Variants in LNX2 observed in about 807,000 individuals in gnomAD.
The protein encoded by LNX2 is ligand of Numb protein X 2.
LNX2 carries 35 observed loss-of-function variants against 66.2 expected under a neutral mutation model. That is an observed-to-expected ratio of 0.53 (90% CI 0.40 to 0.70). The LOEUF is 0.70. LNX2 is among the 30% of genes least tolerant of loss of function. The pLI is 0.00. For synonymous variants in LNX2, 337 were observed against 315.6 expected (o/e 1.07, Z -0.72); for missense variants, 791 against 850.8 (o/e 0.93, Z 0.87).
chr13:27,591,677 A>G (rs960878896), intron 1 of LNX2, among the ~76,000 whole-genome samples: 5 of 152,312 alleles, frequency 3.3e-5, no homozygotes, highest in Admixed American at 6.5e-5. Context: ...TTAGGAGTTG[A>G]GCACTGAACA....
chr13:27,610,212 TC>T (rs1955758569), intron 1 of LNX2, among the ~76,000 whole-genome samples: 1 of 152,216 alleles, frequency 6.6e-6, no homozygotes. Context: ...ACCTGGCCTC[TC>T]CCTACCAATT....
intron 1 of LNX2, among the ~76,000 whole-genome samples, chr13:27,583,217 T>TGCGCGC (rs1566124720): frequency 4.8e-5 from 1 of 21,020 alleles, no homozygotes; most frequent in Non-Finnish European, 8.5e-5. Flanking sequence ...TGTGTGTGTG[T>TGCGCGC]GTGTGTGTGT....
chr13:27,583,297 G>T (rs1732448438), intron 1 of LNX2, among the ~76,000 whole-genome samples: 1 of 124,118 alleles, frequency 8.1e-6, no homozygotes, highest in Admixed American at 8.3e-5. Flanking sequence ...AGTTCGATCT[G>T]TTGCCCGGCT....
chr13:27,581,263 A>G, intron 2 of LNX2, 34 bp downstream of exon 2: 1 of 1,445,922 alleles, frequency 6.9e-7, no homozygotes, highest in Non-Finnish European at 9.1e-7. Context: ...TTTTTCCAAA[A>G]TCTGGAGTTA....
chr13:27,545,981 C>A lies in LNX2; in HGVS notation c.*2354G>T, dbSNP rs935070503. 1.3e-5 allele frequency: 2 copies of A among 152,116 alleles called. No homozygotes were observed. Among genetic ancestry groups the A allele is most frequent in the Non-Finnish European group, 2.9e-5 (2 of 68,020 alleles). 9.4% of individuals were successfully genotyped at this position (152,116 alleles called of 1,614,324 possible). On this transcript the variant is annotated 3_prime_UTR_variant, in exon 10 of 10. Transcript: ENST00000316334. ...CCATTATTTAAACATCTGAAAAATCCTGAAATAATTTAAACTGAAGGCACA... is the reference window on the plus strand; with the variant it reads ...CCATTATTTAAACATCTGAAAAATCATGAAATAATTTAAACTGAAGGCACA...
chr13:27,553,104 A>G (rs1955023271), intron 8 of LNX2, 104 bp downstream of exon 8: 1 of 943,840 alleles, frequency 1.1e-6, no homozygotes, highest in East Asian at 2.5e-5. Context: ...ACTGAATTAA[A>G]GCTTTTTTTT....
At position 27,620,425 on chromosome 13, in the gene LNX2, CGGCACCA is replaced by C. The variant is rs71083680; in HGVS notation, c.-158_-152del. On this transcript the variant is annotated 5_prime_UTR_variant, in exon 1 of 10. Transcript: ENST00000316334. The stretch of plus-strand genomic sequence containing the variant: ...CGCACGGGCTCCTGGCGCCGCTGCT[CGGCACCA>C]GCTCCCGCTCTCCGCGGCCCGCTGA... The C allele has an allele frequency of 0.075, 11,563 of 153,862 alleles. 583 individuals are homozygous for C. Among genetic ancestry groups the C allele is most frequent in the Middle Eastern group, 0.16 (47 of 294 alleles). 9.5% of individuals were successfully genotyped at this position (153,862 alleles called of 1,614,324 possible).
At position 27,553,204 on chromosome 13, in the gene LNX2, G is replaced by C; in HGVS notation, c.1778+4C>G. The C allele has an allele frequency of 6.2e-7, 1 of 1,612,982 alleles. No individual in the cohort carries two copies. The highest frequency in any genetic ancestry group is 8.5e-7 in the Non-Finnish European group (1 of 1,179,032). ...CCATAAAGCAACAAGAAAGCGCTCA[G>C]TACCTGGGAAGCCCAAGCCACATGA... is the stretch of plus-strand genomic sequence containing the variant. On this transcript the variant is annotated splice_donor_region_variant and intron_variant, in intron 8 of 9. Coordinates refer to ENST00000316334, the MANE Select transcript of LNX2 (RefSeq NM_153371.4).
intron 2 of LNX2, among the ~76,000 whole-genome samples, chr13:27,573,800 T>C (rs561430294): frequency 7.9e-5 from 12 of 151,780 alleles, no homozygotes; most frequent in African/African-American, 2.7e-4. Flanking sequence ...ACAACAACAA[T>C]AACAAGTCCT....
intron 1 of LNX2, among the ~76,000 whole-genome samples, chr13:27,609,832 T>C (rs981756424): frequency 6.6e-6 from 1 of 152,212 alleles, no homozygotes; most frequent in East Asian, 1.9e-4. Flanking sequence ...CTGAATGGTT[T>C]CTTAATGTTA....
rs1399844547 is a variant in LNX2 at position 27,562,753 on chromosome 13, G to C, written c.884C>G (p.Ser295Cys). The C allele has an allele frequency of 6.2e-7, 1 of 1,613,074 alleles. No homozygotes were observed. Among genetic ancestry groups the C allele is most frequent in the Non-Finnish European group, 8.5e-7 (1 of 1,179,414 alleles). ...AAGGACAGCTCGGGCATAGTTATGGGACACATTGCTGATATTGTAGTTGTT... is the reference window on the plus strand; with the variant it reads ...AAGGACAGCTCGGGCATAGTTATGGCACACATTGCTGATATTGTAGTTGTT... Reference protein sequence around the residue: ...QVNNYNISNVSHNYARAVLSQ... With the variant: ...QVNNYNISNVCHNYARAVLSQ... The change falls in exon 5 of 10, where the codon TCC becomes TGC. Residue 295 changes from serine to cysteine, a missense_variant. By Grantham distance (112) the Ser-to-Cys change is moderately radical (BLOSUM62 -1). Coordinates refer to ENST00000316334, the MANE Select transcript of LNX2 (RefSeq NM_153371.4).
At chr13:27,614,386 C>T (rs1955805260) in intron 1 of LNX2, among the ~76,000 whole-genome samples, 1 of 152,156 alleles carries the variant, frequency 6.6e-6, no homozygotes, top group Non-Finnish European at 1.5e-5. Context: ...ACTCCTGTGG[C>T]CTCACCCAGA....
At chr13:27,618,902 T>G (rs1403026236) in intron 1 of LNX2, among the ~76,000 whole-genome samples, 2 of 152,168 alleles carry the variant, frequency 1.3e-5, no homozygotes, top group African/African-American at 4.8e-5. Context: ...ACACCTATTC[T>G]TACAGGTCTC....
chr13:27,548,715 A>C (rs1229397066), intron 9 of LNX2, among the ~76,000 whole-genome samples: 1 of 152,180 alleles, frequency 6.6e-6, no homozygotes, highest in Non-Finnish European at 1.5e-5. Flanking sequence ...AAGCAGAGTA[A>C]TTTTCACACT....
intron 2 of LNX2, among the ~76,000 whole-genome samples, chr13:27,575,025 A>G (rs2138377143): frequency 6.6e-6 from 1 of 152,300 alleles, no homozygotes; most frequent in South Asian, 2.1e-4. Flanking sequence ...TAAAAACAAA[A>G]TGTTTGTTGG....
intron 1 of LNX2, among the ~76,000 whole-genome samples, chr13:27,583,261 C>CGCGCGCGGGCGT (rs11281345): frequency 6.6e-5 from 3 of 45,480 alleles, no homozygotes; most frequent in Non-Finnish European, 9.1e-5. Flanking sequence ...TGTGTGCGCG[C>CGCGCGCGGGCGT]GTCCTCTCCA....
intron 1 of LNX2, among the ~76,000 whole-genome samples, chr13:27,614,276 C>G (rs60970962): frequency 0.025 from 3,800 of 152,280 alleles, 182 homozygotes; most frequent in African/African-American, 0.086. Flanking sequence ...ACAGGATATG[C>G]AACTTGCCCA....
At chr13:27,551,687 A>T (rs1593236797) in intron 8 of LNX2, among the ~76,000 whole-genome samples, 1 of 152,210 alleles carries the variant, frequency 6.6e-6, no homozygotes, top group African/African-American at 2.4e-5. Flanking sequence ...TCTATAAAGC[A>T]ATGTTTACCA....
Position 27,556,284 on chromosome 13 carries a change from T to C in LNX2, c.1498A>G (p.Ser500Gly). The C allele has an allele frequency of 6.2e-7, 1 of 1,614,064 alleles. No individual in the cohort carries two copies. Among genetic ancestry groups the C allele is most frequent in the South Asian group, 1.1e-5 (1 of 91,084 alleles). ...GCAAGGCAGCCATGGGGTGGCACAC[T>C]GGTCACAAAGATGGGCAGCTCACCA... is the stretch of plus-strand genomic sequence containing the variant. ...KSGELPIFVT[S>G]VPPHGCLARD... Residue 500 changes from serine to glycine, a missense_variant, in exon 7 of 10, where the codon AGT (serine) becomes GGT (glycine). By Grantham distance (56) the Ser-to-Gly change is moderately conservative (BLOSUM62 0). Transcript: ENST00000316334.
Sources: gnomAD v4.1 joint callset for allele counts (sites outside exome capture counted in the v4.1 genomes callset) on GRCh38, gnomAD v4.1.1 for gene constraint, MANE v1.5 for transcripts, NCBI Gene and HGNC (gene_info 2026-07-23, HGNC 2026-07-21) for gene names.